SOX5: variants seen among roughly 807,000 people sequenced by gnomAD.
The protein encoded by SOX5 is SRY-box transcription factor 5, also known as transcription factor SOX-5.
Under a neutral mutation model 92.0 loss-of-function variants are expected in SOX5, and 9 were observed. The observed-to-expected ratio is 0.10, with a 90% CI of 0.06 to 0.17. SOX5 has a LOEUF of 0.17. Ranked by LOEUF, SOX5 falls within the 10% of genes least tolerant of loss-of-function variation. SOX5 has a pLI of 1.00. For synonymous variants in SOX5, 344 were observed against 336.3 expected, an observed-to-expected ratio of 1.02 and a Z score of -0.25; for missense variants, 642 against 944.5, an observed-to-expected ratio of 0.68 and a Z score of 4.20.
rs11047168 is a variant in SOX5 at position 23,945,980 on chromosome 12, G to A, written c.38+3584C>T. Among the ~76,000 whole-genome samples the A allele has an allele frequency of 1.6e-3, 250 of 152,148 alleles. 2 individuals carry two copies. Among genetic ancestry groups the A allele is most frequent in the Non-Finnish European group, 2.9e-3 (200 of 67,972 alleles). ...CAAATGTCTAGCAGTAGCTTTTCAT[G>A]GGAATTTTACGAATTAGTTTGTAAC... On this transcript the variant is annotated intron_variant, in intron 1 of 14. Coordinates refer to ENST00000451604, the MANE Select transcript of SOX5 (RefSeq NM_006940.6).
chr12:23,567,625 T>C (rs1257519360), intron 10 of SOX5, among the ~76,000 whole-genome samples: 3 of 151,828 alleles, frequency 2.0e-5, no homozygotes, highest in African/African-American at 7.3e-5. Flanking sequence ...CCCAGTTACT[T>C]TTTAAGTTTT....
intron 1 of SOX5, among the ~76,000 whole-genome samples, chr12:24,484,047 A>T (rs1441174489): frequency 6.6e-6 from 1 of 152,208 alleles, no homozygotes; most frequent in African/African-American, 2.4e-5. Flanking sequence ...TGCAACGTTT[A>T]TATTATTGAT....
chr12:24,173,796 T>C (rs1954473442), intron 4 of SOX5, among the ~76,000 whole-genome samples: 1 of 152,182 alleles, frequency 6.6e-6, no homozygotes, highest in Non-Finnish European at 1.5e-5. Context: ...CTGTAAATTC[T>C]GATGTTCAGT....
intron 6 of SOX5, among the ~76,000 whole-genome samples, chr12:23,692,613 GA>G (rs2089068535): frequency 6.6e-6 from 1 of 152,096 alleles, no homozygotes; most frequent in African/African-American, 2.4e-5. Context: ...TGTGTGAAAA[GA>G]ATATTTCGTT....
chr12:24,549,448 G>C (rs534191580), intron 1 of SOX5, among the ~76,000 whole-genome samples: 2 of 152,308 alleles, frequency 1.3e-5, no homozygotes, highest in South Asian at 2.1e-4. Flanking sequence ...CAAAAATACA[G>C]AGCAAAGTGG....
chr12:24,280,141 T>C (rs1944986050), intron 2 of SOX5, among the ~76,000 whole-genome samples: 1 of 152,140 alleles, frequency 6.6e-6, no homozygotes. Context: ...TGAATCCTAT[T>C]TACACCCTCT....
chr12:23,612,880 G>A (rs1028295285), intron 8 of SOX5, among the ~76,000 whole-genome samples: 2 of 152,152 alleles, frequency 1.3e-5, no homozygotes, highest in African/African-American at 4.8e-5. Context: ...CTTAATTTCA[G>A]CTTCCTAATG....
At chr12:24,046,637 G>A (rs893626343) in intron 4 of SOX5, among the ~76,000 whole-genome samples, 3 of 148,826 alleles carry the variant, frequency 2.0e-5, no homozygotes, top group Admixed American at 1.3e-4. Context: ...CCTAGCCTCA[G>A]AACTTGTAGC....
At chr12:23,667,414 T>C (rs1042511583) in intron 6 of SOX5, among the ~76,000 whole-genome samples, 1 of 152,196 alleles carries the variant, frequency 6.6e-6, no homozygotes, top group African/African-American at 2.4e-5. Flanking sequence ...ACTTCGGTCT[T>C]TTATAGATCA....
intron 6 of SOX5, among the ~76,000 whole-genome samples, chr12:23,712,940 G>A (rs1354406778): frequency 6.6e-6 from 1 of 152,150 alleles, no homozygotes; most frequent in African/African-American, 2.4e-5. Flanking sequence ...TTTAATAGCT[G>A]TAGTAGGTTG....
intron 1 of SOX5, among the ~76,000 whole-genome samples, chr12:24,552,213 CA>C (rs371400419): frequency 5.3e-5 from 8 of 151,016 alleles, no homozygotes; most frequent in South Asian, 2.1e-4. Context: ...ACCACATTAT[CA>C]AAAAAAAAGT....
At chr12:24,090,010 AAAC>A (rs1423597576) in intron 4 of SOX5, among the ~76,000 whole-genome samples, 16 of 152,158 alleles carry the variant, frequency 1.1e-4, no homozygotes, top group African/African-American at 3.9e-4. Flanking sequence ...AGACCACGTA[AAAC>A]AACTTAAGAA....
At chr12:24,069,556 T>A (rs1442477483) in intron 4 of SOX5, among the ~76,000 whole-genome samples, 4 of 152,192 alleles carry the variant, frequency 2.6e-5, no homozygotes, top group Admixed American at 6.5e-5. Flanking sequence ...GACATAGCAG[T>A]GATTACACAG....
At chr12:23,568,091 G>C (rs1380711004) in intron 10 of SOX5, among the ~76,000 whole-genome samples, 1 of 152,142 alleles carries the variant, frequency 6.6e-6, no homozygotes. Context: ...AGGATCTCAA[G>C]GTGAGATCAC....
intron 4 of SOX5, among the ~76,000 whole-genome samples, chr12:24,154,193 A>C (rs1447338422): frequency 6.6e-6 from 1 of 152,082 alleles, no homozygotes; most frequent in African/African-American, 2.4e-5. Context: ...AGCTCTCAAA[A>C]TATGCATGTA....
rs181105689 is a variant in SOX5, at chr12:23,786,992, T to G, written c.482-31268A>C. 9.5e-4 allele frequency among the ~76,000 whole-genome samples: 139 copies of G among 145,730 alleles called. 14 individuals are homozygous for G. The highest frequency in any genetic ancestry group is 3.4e-3 in the African/African-American group (133 of 39,438). On this transcript the variant is annotated intron_variant, in intron 3 of 14. Coordinates refer to ENST00000451604, the MANE Select transcript of SOX5 (RefSeq NM_006940.6). ...CTATTGATATTACCCACATAGTTGC[T>G]GTAAGCCAGAACAAAAAAGGTCAGA... is the stretch of plus-strand genomic sequence containing the variant.
chr12:24,164,412 T>C (rs1053083353), intron 4 of SOX5, among the ~76,000 whole-genome samples: 1 of 152,060 alleles, frequency 6.6e-6, no homozygotes, highest in African/African-American at 2.4e-5. Context: ...CTCCTAGGCA[T>C]GTAATATTCA....
At chr12:23,766,772 T>A (rs1224279963) in intron 3 of SOX5, among the ~76,000 whole-genome samples, 1 of 152,104 alleles carries the variant, frequency 6.6e-6, no homozygotes, top group African/African-American at 2.4e-5. Flanking sequence ...TGTAACATTT[T>A]TAATGCAAGA....
intron 2 of SOX5, among the ~76,000 whole-genome samples, chr12:24,355,292 T>TAA (rs1184106048): frequency 3.5e-3 from 62 of 17,650 alleles, no homozygotes; most frequent in Admixed American, 0.011. Flanking sequence ...CTTTTTTTTT[T>TAA]TTTTTTTTTT....
Sources: allele counts gnomAD v4.1 joint callset (sites outside exome capture counted in the v4.1 genomes callset), GRCh38; gene constraint gnomAD v4.1.1; transcripts MANE v1.5; gene names NCBI Gene and HGNC (gene_info 2026-07-23, HGNC 2026-07-21).